Variants in SSUH2 observed in about 807,000 individuals in gnomAD.
SSUH2 encodes ssu-2 homolog, also known as protein SSUH2 homolog.
Under a neutral mutation model 55.3 loss-of-function variants are expected in SSUH2, and 47 were observed. The observed-to-expected ratio is 0.85, with a 90% confidence interval of 0.67 to 1.08. SSUH2 has a LOEUF of 1.08. Among genes scored for constraint, SSUH2 ranks in the 50% least tolerant of loss-of-function variants. SSUH2 has a pLI of 0.00. For synonymous variants in SSUH2, 212 were observed against 191.5 expected (o/e 1.11, Z -0.89); for missense variants, 535 against 490.7 (o/e 1.09, Z -0.85).
intron 5 of SSUH2, among the ~76,000 whole-genome samples, chr3:8,666,656 CCCA>C (rs1229978805): frequency 1.3e-5 from 2 of 152,160 alleles, no homozygotes; most frequent in Admixed American, 1.3e-4. Flanking sequence ...AGGGGTTTCG[CCCA>C]CCACCAAGCA....
chr3:8,634,008 C>A, intron 3 of SSUH2: 1 of 1,520,806 alleles, frequency 6.6e-7, no homozygotes, highest in Admixed American at 2.0e-5. Flanking sequence ...AGAGAACAGC[C>A]AAAAACACTT....
In SSUH2 at chr3:8,619,788, AAC is replaced by A; in HGVS notation, c.*78_*79del. ...TTGTATGTGATTGTCCAATGCAGCC[AAC>A]AGTGAACACACTCAGAGAGTGTCGG... On this transcript the variant is annotated 3_prime_UTR_variant, in exon 12 of 12. Transcript: ENST00000544814. 6.6e-7 allele frequency: 1 copy of A among 1,518,618 alleles called. No homozygotes were observed. The highest frequency in any genetic ancestry group is 8.9e-7 in the Non-Finnish European group (1 of 1,118,722). 94.1% of individuals were successfully genotyped at this position (1,518,618 alleles called of 1,614,324 possible).
At chr3:8,678,385 G>A (rs1705592846) in intron 2 of SSUH2, among the ~76,000 whole-genome samples, 1 of 152,060 alleles carries the variant, frequency 6.6e-6, no homozygotes, top group African/African-American at 2.4e-5. Context: ...CTCCCTTTCA[G>A]GATATTAATA....
At chr3:8,648,604 G>A (rs953945263), upstream of SSUH2, among the ~76,000 whole-genome samples, 4 of 152,094 alleles carry the variant, frequency 2.6e-5, no homozygotes, top group East Asian at 1.9e-4. Flanking sequence ...TCCAATGAGT[G>A]CTCACCAAAG....
At chr3:8,650,848 C>A (rs1331123949) in intron 7 of SSUH2, among the ~76,000 whole-genome samples, 1 of 152,192 alleles carries the variant, frequency 6.6e-6, no homozygotes, top group Non-Finnish European at 1.5e-5. Flanking sequence ...AGATGCCCAG[C>A]CTGGGGGCTT....
Position 8,644,561 on chromosome 3 carries a change from C to T in SSUH2, c.28+170G>A, listed in dbSNP as rs575175170. ...CGGCAATCCAGATGCAGACCCAGGACTGCATTTAGGGCAGATGGAAGAGTT... is the reference window on the plus strand; with the variant it reads ...CGGCAATCCAGATGCAGACCCAGGATTGCATTTAGGGCAGATGGAAGAGTT... On this transcript the variant is annotated intron_variant, in intron 1 of 11. Transcript: ENST00000544814. Among the ~76,000 whole-genome samples the T allele has an allele frequency of 2.7e-4, 41 of 152,298 alleles. No homozygotes were observed. The South Asian group carries it at 7.5e-3, about 28-fold the overall frequency.
chr3:8,674,858 G>A (rs146528068), intron 3 of SSUH2, among the ~76,000 whole-genome samples: 1 of 143,196 alleles, frequency 7.0e-6, no homozygotes, highest in Non-Finnish European at 1.5e-5. Context: ...TGGCCAAGCG[G>A]TGGCCAAGGG....
Position 8,664,034 on chromosome 3 carries a change from G to T in SSUH2, c.-454-232C>A, listed in dbSNP as rs375935608. On this transcript the variant is annotated intron_variant, in intron 5 of 18. Coordinates refer to the SSUH2 transcript ENST00000317371. ...CCAGGTTATTTCTCTCCCGGCCCAT[G>T]TCAACACGAGGTTTCTGCTGACCCA... The T allele has an allele frequency of 3.8e-5, 13 of 337,848 alleles. No individual in the cohort carries two copies. The East Asian group carries it at 9.9e-4, about 26-fold the overall frequency. 20.9% of individuals were successfully genotyped at this position (337,848 alleles called of 1,614,324 possible).
intron 7 of SSUH2, among the ~76,000 whole-genome samples, chr3:8,650,087 C>G (rs759702974): frequency 6.6e-6 from 1 of 151,722 alleles, no homozygotes; most frequent in Non-Finnish European, 1.5e-5. Context: ...CCCTACAGAT[C>G]TCTACACAAA....
intron 1 of SSUH2, among the ~76,000 whole-genome samples, chr3:8,642,748 T>G (rs1701066767): frequency 6.6e-6 from 1 of 152,136 alleles, no homozygotes; most frequent in South Asian, 2.1e-4. Context: ...GAACATTAAC[T>G]CGATTGGATA....
intron 8 of SSUH2, chr3:8,627,410 G>A: frequency 3.0e-6 from 1 of 338,372 alleles, no homozygotes; most frequent in East Asian, 4.4e-5. Context: ...GGCGGGAGAG[G>A]TCTCCTTTCC....
At chr3:8,635,021 A>C (rs1699676113) in intron 3 of SSUH2, among the ~76,000 whole-genome samples, 1 of 152,064 alleles carries the variant, frequency 6.6e-6, no homozygotes, top group African/African-American at 2.4e-5. Context: ...ATAAAACTTT[A>C]CTCCAGAAAT....
intron 3 of SSUH2, among the ~76,000 whole-genome samples, chr3:8,674,379 G>C (rs1443918417): frequency 6.6e-6 from 1 of 152,204 alleles, no homozygotes; most frequent in Non-Finnish European, 1.5e-5. Flanking sequence ...GGAGGAAGGG[G>C]CCCGGCTCAA....
At chr3:8,638,650 C>T (rs552773125) in intron 1 of SSUH2, among the ~76,000 whole-genome samples, 1 of 152,208 alleles carries the variant, frequency 6.6e-6, no homozygotes, top group Admixed American at 6.5e-5. Context: ...GATATTAATA[C>T]CCAAGCAATG....
At chr3:8,643,217 T>C (rs1259721615) in intron 1 of SSUH2, among the ~76,000 whole-genome samples, 1 of 152,112 alleles carries the variant, frequency 6.6e-6, no homozygotes, top group Admixed American at 6.5e-5. Flanking sequence ...CTTTGATCAA[T>C]CCTGCAAGAT....
intron 1 of SSUH2, among the ~76,000 whole-genome samples, chr3:8,681,066 TTAGGA>T (rs2124942977): frequency 9.9e-6 from 1 of 101,022 alleles, no homozygotes; most frequent in Middle Eastern, 7.0e-3. Flanking sequence ...CCGCTGGCTC[TTAGGA>T]CTTCCATAGC....
At chr3:8,634,549 A>G in intron 3 of SSUH2, 1 of 1,289,750 alleles carries the variant, frequency 7.8e-7, no homozygotes, top group Non-Finnish European at 1.0e-6. Context: ...TGGCACACAG[A>G]GGGGCCCGTC....
intron 10 of SSUH2, among the ~76,000 whole-genome samples, chr3:8,624,436 A>T (rs1298638242): frequency 1.3e-5 from 2 of 152,094 alleles, no homozygotes; most frequent in Non-Finnish European, 2.9e-5. Context: ...ACTCAAATGG[A>T]AGAGTGGGGT....
intron 3 of SSUH2, among the ~76,000 whole-genome samples, chr3:8,675,295 T>C (rs112668871): frequency 0.031 from 4,745 of 152,228 alleles, 264 homozygotes; most frequent in African/African-American, 0.11. Flanking sequence ...CACTACTCAG[T>C]ACACTTGGAC....
Sources: allele counts gnomAD v4.1 joint callset (sites outside exome capture counted in the v4.1 genomes callset), GRCh38; gene constraint gnomAD v4.1.1; transcripts MANE v1.5; gene names NCBI Gene and HGNC (gene_info 2026-07-23, HGNC 2026-07-21).